NAALADL2: variants seen among roughly 807,000 people sequenced by gnomAD.
NAALADL2 encodes N-acetylated alpha-linked acidic dipeptidase like 2, also known as inactive N-acetylated-alpha-linked acidic dipeptidase-like protein 2.
Under a neutral mutation model 87.2 loss-of-function variants are expected in NAALADL2, and 76 were observed. That is an observed-to-expected ratio of 0.87 (90% CI 0.72 to 1.05). NAALADL2 has a LOEUF of 1.05. Among genes scored for constraint, NAALADL2 ranks in the 50% least tolerant of loss-of-function variants. The pLI, the probability that NAALADL2 is intolerant of heterozygous loss-of-function variation, is 0.00. For synonymous variants in NAALADL2, 354 were observed against 331.0 expected, an observed-to-expected ratio of 1.07 and a Z score of -0.75; for missense variants, 1,089 against 945.8, an observed-to-expected ratio of 1.15 and a Z score of -1.99.
rs1389673234 is a variant in NAALADL2 at position 175,365,963 on chromosome 3, G to A, written c.1090+41638G>A. On this transcript the variant is annotated intron_variant, in intron 5 of 13. Transcript: ENST00000454872. Reference sequence around the variant, plus strand: ...TATACATGTGCCATGCTAGTGTGCCGCACCCATTAACTCGTCATTTAGCAT... The same window carrying A: ...TATACATGTGCCATGCTAGTGTGCCACACCCATTAACTCGTCATTTAGCAT... 4.3e-5 allele frequency among the ~76,000 whole-genome samples: 6 copies of A among 139,894 alleles called. No homozygotes were observed. In the South Asian group the frequency reaches 7.4e-4, roughly 17 times the overall value. The allele number at this position is 139,894 out of a possible 152,430, so 91.8% of individuals were successfully genotyped here.
At chr3:175,161,831 A>G (rs990074078) in intron 2 of NAALADL2, among the ~76,000 whole-genome samples, 1 of 152,146 alleles carries the variant, frequency 6.6e-6, no homozygotes, top group African/African-American at 2.4e-5. Flanking sequence ...GTGTCTGTCA[A>G]TCAATTATTG....
chr3:175,066,927 C>G (rs4283576), intron 1 of NAALADL2, among the ~76,000 whole-genome samples: 14,703 of 152,150 alleles, frequency 0.097, 1,592 homozygotes, highest in African/African-American at 0.27. Flanking sequence ...AATTTGGAGG[C>G]ATCCTGTAAA....
Position 175,247,502 on chromosome 3 carries a change from G to A in NAALADL2, c.820-8909G>A, listed in dbSNP as rs76295507. Among the ~76,000 whole-genome samples, 404 of 152,168 alleles carry A rather than the reference G, an allele frequency of 2.7e-3. 4 individuals are homozygous for A. In the East Asian group the frequency reaches 0.033, roughly 12 times the overall value. On this transcript the variant is annotated intron_variant, in intron 3 of 13. Coordinates refer to ENST00000454872, the MANE Select transcript of NAALADL2 (RefSeq NM_207015.3). ...CAAAATAATGAGTCAAATGAATCCG[G>A]GAAAGAGGGTGTATTTCTAATAACA...
rs1407315739 is a variant in NAALADL2, at chr3:174,908,724, A to G, written c.43+49274A>G. 2.0e-5 allele frequency among the ~76,000 whole-genome samples: 3 copies of G among 152,142 alleles called. No homozygotes were observed. The East Asian group carries it at 5.8e-4, about 29-fold the overall frequency. On this transcript the variant is annotated intron_variant, in intron 1 of 13. Transcript: ENST00000454872. Reference sequence around the variant, plus strand: ...GGCAAGATTTGAACCTGGCTTTATTAAGTTTTTATTTTAGTTTACATGTTT... The same window carrying G: ...GGCAAGATTTGAACCTGGCTTTATTGAGTTTTTATTTTAGTTTACATGTTT...
At chr3:174,739,835 A>G (rs1312803948) in intron 3 of NAALADL2, among the ~76,000 whole-genome samples, 1 of 152,072 alleles carries the variant, frequency 6.6e-6, no homozygotes, top group African/African-American at 2.4e-5. Flanking sequence ...ACTGACTTAC[A>G]TCTTGTATTA....
intron 5 of NAALADL2, among the ~76,000 whole-genome samples, chr3:175,420,251 A>G (rs565848998): frequency 8.5e-4 from 130 of 152,118 alleles, no homozygotes; most frequent in South Asian, 2.3e-3. Flanking sequence ...CCTGATTACT[A>G]TATAGTCCTG....
intron 9 of NAALADL2, among the ~76,000 whole-genome samples, chr3:175,509,044 A>G (rs1180880391): frequency 6.6e-6 from 1 of 151,974 alleles, no homozygotes; most frequent in African/African-American, 2.4e-5. Context: ...TGAACCCAGG[A>G]GACGGACGTT....
In NAALADL2 at chr3:175,807,231, A is replaced by AT. The variant is rs147690391; in HGVS notation, c.*4033dup. 1.3e-5 allele frequency: 2 copies of AT among 151,912 alleles called. No individual in the cohort carries two copies. Among genetic ancestry groups the AT allele is most frequent in the East Asian group, 3.9e-4 (2 of 5,186 alleles). 9.4% of individuals were successfully genotyped at this position (151,912 alleles called of 1,614,324 possible). ...TGATTTAGAACAACAGTTTTATGTT[A>AT]TTTTTAAAAATTCAGAATAACCAAT... On this transcript the variant is annotated 3_prime_UTR_variant, in exon 14 of 14. Transcript: ENST00000454872.
At chr3:175,347,853 T>A (rs1275143856) in intron 5 of NAALADL2, among the ~76,000 whole-genome samples, 1 of 152,090 alleles carries the variant, frequency 6.6e-6, no homozygotes, top group Non-Finnish European at 1.5e-5. Flanking sequence ...GTTATCTACA[T>A]TAGGTATTTC....
intron 2 of NAALADL2, among the ~76,000 whole-genome samples, chr3:175,122,289 A>G (rs758690064): frequency 9.9e-5 from 15 of 151,858 alleles, no homozygotes; most frequent in Admixed American, 2.0e-4. Context: ...GGCTTTATTT[A>G]TGCACTGGAA....
intron 11 of NAALADL2, among the ~76,000 whole-genome samples, chr3:175,643,838 G>A (rs1017939114): frequency 3.3e-5 from 5 of 152,140 alleles, no homozygotes; most frequent in African/African-American, 9.7e-5. Context: ...TCCTGGAATA[G>A]TTACATACAC....
chr3:175,110,887 G>A (rs909807483), intron 2 of NAALADL2, among the ~76,000 whole-genome samples: 4 of 151,672 alleles, frequency 2.6e-5, no homozygotes, highest in Non-Finnish European at 4.4e-5. Flanking sequence ...TGAATGACAA[G>A]AGAAAGAAAA....
chr3:175,291,303 C>T (rs6799922), intron 4 of NAALADL2, among the ~76,000 whole-genome samples: 61,377 of 151,672 alleles, frequency 0.4, 13,920 homozygotes, highest in African/African-American at 0.62. Flanking sequence ...ATTCTAGCAA[C>T]AGTTCTTTCG....
intron 2 of NAALADL2, among the ~76,000 whole-genome samples, chr3:175,135,497 T>G (rs1053488117): frequency 2.6e-5 from 4 of 152,170 alleles, no homozygotes; most frequent in African/African-American, 9.7e-5. Context: ...ATAGTAGGAT[T>G]TTTTGCTGGC....
chr3:175,242,377 C>T (rs1190491664), intron 3 of NAALADL2: 1 of 152,178 alleles, frequency 6.6e-6, no homozygotes, highest in East Asian at 1.9e-4. Context: ...ACAAATAACA[C>T]TTACCTCATT....
intron 9 of NAALADL2, among the ~76,000 whole-genome samples, chr3:175,531,794 G>A (rs1397801791): frequency 6.6e-6 from 1 of 152,148 alleles, no homozygotes; most frequent in Admixed American, 6.5e-5. Flanking sequence ...GTCACCACTT[G>A]GTTAAGCTTA....
intron 1 of NAALADL2, among the ~76,000 whole-genome samples, chr3:175,079,970 CTT>C (rs754948428): frequency 1.4e-5 from 2 of 144,222 alleles, no homozygotes; most frequent in Non-Finnish European, 1.5e-5. Context: ...GAAATATAGA[CTT>C]TTTTTTTTTT....
intron 11 of NAALADL2, among the ~76,000 whole-genome samples, chr3:175,712,922 G>A (rs1454119480): frequency 1.3e-5 from 2 of 152,002 alleles, no homozygotes; most frequent in Non-Finnish European, 2.9e-5. Context: ...ACTGAGATTT[G>A]GGGGGTTAGA....
intron 10 of NAALADL2, among the ~76,000 whole-genome samples, chr3:175,594,344 C>T (rs1335010769): frequency 6.6e-6 from 1 of 152,070 alleles, no homozygotes; most frequent in Non-Finnish European, 1.5e-5. Flanking sequence ...TTTTTTATGG[C>T]TTCATAGTAT....
Sources: gnomAD v4.1 joint callset for allele counts (sites outside exome capture counted in the v4.1 genomes callset) on GRCh38, gnomAD v4.1.1 for gene constraint, MANE v1.5 for transcripts, NCBI Gene and HGNC (gene_info 2026-07-23, HGNC 2026-07-21) for gene names.